PTPRK: variants seen among roughly 807,000 people sequenced by gnomAD.
PTPRK encodes receptor-type tyrosine-protein phosphatase kappa.
Under a neutral mutation model 178.0 loss-of-function variants are expected in PTPRK, and 75 were observed. The observed-to-expected ratio is 0.42, with a 90% CI of 0.35 to 0.51. PTPRK has a LOEUF of 0.51. Ranked by LOEUF, PTPRK falls within the 20% of genes least tolerant of loss-of-function variation. The pLI is 0.02. For synonymous variants in PTPRK, 637 were observed against 620.6 expected, an observed-to-expected ratio of 1.03 and a Z score of -0.39; for missense variants, 1,441 against 1,797.8, an observed-to-expected ratio of 0.80 and a Z score of 3.59.
intron 2 of PTPRK, among the ~76,000 whole-genome samples, chr6:128,393,617 A>G (rs1352198005): frequency 6.6e-6 from 1 of 152,190 alleles, no homozygotes; most frequent in Non-Finnish European, 1.5e-5. Flanking sequence ...AGACAAAGAA[A>G]TATTTCAGCA....
At chr6:128,296,110 T>TC (rs1824310141) in intron 3 of PTPRK, among the ~76,000 whole-genome samples, 1 of 152,024 alleles carries the variant, frequency 6.6e-6, no homozygotes, top group Non-Finnish European at 1.5e-5. Context: ...CTCAATTCCC[T>TC]CCCTGTCTTA....
At chr6:128,449,986 T>C (rs1288621966) in intron 1 of PTPRK, among the ~76,000 whole-genome samples, 1 of 151,014 alleles carries the variant, frequency 6.6e-6, no homozygotes, top group Non-Finnish European at 1.5e-5. Context: ...CACACGCCTG[T>C]TATTTCAGCT....
At chr6:128,265,278 A>C (rs1017895066) in intron 3 of PTPRK, among the ~76,000 whole-genome samples, 2 of 152,194 alleles carry the variant, frequency 1.3e-5, no homozygotes, top group African/African-American at 4.8e-5. Context: ...TGATTTGATT[A>C]TTATACATGA....
chr6:128,300,555 T>A (rs1198595843), intron 3 of PTPRK, among the ~76,000 whole-genome samples: 2 of 151,980 alleles, frequency 1.3e-5, no homozygotes, highest in Admixed American at 1.3e-4. Flanking sequence ...TTCATGTCCT[T>A]TGTAGGGACA....
chr6:128,211,660 T>G (rs911051853), intron 6 of PTPRK, among the ~76,000 whole-genome samples: 2 of 152,126 alleles, frequency 1.3e-5, no homozygotes, highest in Non-Finnish European at 2.9e-5. Context: ...GCTTTACTGG[T>G]CAGCAGAATG....
intron 1 of PTPRK, among the ~76,000 whole-genome samples, chr6:128,405,065 A>G (rs1261374658): frequency 6.6e-6 from 1 of 152,212 alleles, no homozygotes; most frequent in Admixed American, 6.5e-5. Context: ...TGAACCATAT[A>G]ATATATCAAC....
intron 1 of PTPRK, among the ~76,000 whole-genome samples, chr6:128,466,268 G>A: frequency 6.6e-6 from 1 of 152,162 alleles, no homozygotes; most frequent in Middle Eastern, 3.4e-3. Flanking sequence ...AAATCTAATA[G>A]AAGAAAAAAC....
Position 128,451,857 on chromosome 6 carries a change from C to T in PTPRK, c.101-54169G>A, listed in dbSNP as rs536717511. Among the ~76,000 whole-genome samples the T allele has an allele frequency of 3.6e-4, 54 of 152,100 alleles. 2 individuals carry two copies. In the South Asian group the frequency reaches 4.1e-3, roughly 12 times the overall value. ...TTGAACCAAAAAGTTTGGAAACCAC[C>T]GAACTAAGTCTAGCTATCTACATTA... On this transcript the variant is annotated intron_variant, in intron 1 of 29. Transcript: ENST00000368226.
chr6:128,094,381 G>A (rs1020345648), intron 7 of PTPRK, among the ~76,000 whole-genome samples: 5 of 152,186 alleles, frequency 3.3e-5, no homozygotes, highest in African/African-American at 1.2e-4. Context: ...GAGGGGGACA[G>A]CAGGAACACG....
chr6:128,125,512 T>C (rs559088749), intron 7 of PTPRK, among the ~76,000 whole-genome samples: 2 of 151,966 alleles, frequency 1.3e-5, no homozygotes, highest in East Asian at 3.9e-4. Flanking sequence ...GGGAGCCAAT[T>C]AAACCTTTCT....
intron 7 of PTPRK, among the ~76,000 whole-genome samples, chr6:128,176,152 C>CAT (rs1215861843): frequency 6.6e-6 from 1 of 151,608 alleles, no homozygotes; most frequent in Non-Finnish European, 1.5e-5. Context: ...AGAGTGTGTA[C>CAT]ATATATATAT....
At chr6:128,216,552 A>T (rs558424506) in intron 6 of PTPRK, among the ~76,000 whole-genome samples, 1 of 152,020 alleles carries the variant, frequency 6.6e-6, no homozygotes, top group South Asian at 2.1e-4. Context: ...TAAAAAAAAA[A>T]AAAAAAGGTC....
chr6:128,149,764 T>C (rs1388678847), intron 7 of PTPRK, among the ~76,000 whole-genome samples: 1 of 152,160 alleles, frequency 6.6e-6, no homozygotes, highest in Non-Finnish European at 1.5e-5. Context: ...TGGAAGCCCA[T>C]TCATATTGCT....
intron 3 of PTPRK, among the ~76,000 whole-genome samples, chr6:128,257,199 C>A (rs1167745515): frequency 6.7e-6 from 1 of 150,154 alleles, no homozygotes; most frequent in Non-Finnish European, 1.5e-5. Flanking sequence ...CATTGCACTC[C>A]AGCCTGGGAG....
intron 3 of PTPRK, among the ~76,000 whole-genome samples, chr6:128,275,422 CATA>C (rs1272399765): frequency 1.3e-5 from 2 of 151,934 alleles, no homozygotes; most frequent in East Asian, 1.9e-4. Context: ...CGGCAAACTC[CATA>C]ATGTTACATG....
chr6:128,055,049 G>C (rs1446763849), intron 13 of PTPRK, among the ~76,000 whole-genome samples: 1 of 151,982 alleles, frequency 6.6e-6, no homozygotes, highest in Non-Finnish European at 1.5e-5. Flanking sequence ...AAACATAAGA[G>C]AGTTAAAAAA....
chr6:128,016,235 G>C (rs1190533549), intron 13 of PTPRK, among the ~76,000 whole-genome samples: 8 of 151,776 alleles, frequency 5.3e-5, no homozygotes, highest in Non-Finnish European at 1.0e-4. Flanking sequence ...AGGAAATGAA[G>C]AACTAATGCA....
chr6:128,145,340 G>A (rs1796328721), intron 7 of PTPRK, among the ~76,000 whole-genome samples: 1 of 151,990 alleles, frequency 6.6e-6, no homozygotes, highest in Non-Finnish European at 1.5e-5. Flanking sequence ...AGAGATTTAT[G>A]GTATAGATTG....
At chr6:128,329,511 G>C (rs1829999834) in intron 2 of PTPRK, among the ~76,000 whole-genome samples, 1 of 151,896 alleles carries the variant, frequency 6.6e-6, no homozygotes, top group Non-Finnish European at 1.5e-5. Flanking sequence ...CCAAAGGCCT[G>C]AGAAACAGGA....
Sources: allele counts gnomAD v4.1 joint callset (sites outside exome capture counted in the v4.1 genomes callset), GRCh38; gene constraint gnomAD v4.1.1; transcripts MANE v1.5; gene names NCBI Gene and HGNC (gene_info 2026-07-23, HGNC 2026-07-21).